RBMS3: variants seen among roughly 807,000 people sequenced by gnomAD.
The protein encoded by RBMS3 is RNA-binding motif, single-stranded-interacting protein 3.
Under a neutral mutation model 66.8 loss-of-function variants are expected in RBMS3, and 27 were observed. The ratio of observed to expected loss-of-function variants is 0.40; its 90% CI spans 0.30 to 0.56. The LOEUF (loss-of-function observed/expected upper bound fraction) is 0.56, where lower values mean the gene tolerates loss of function less well. RBMS3 is among the 20% of genes least tolerant of loss of function. RBMS3 has a pLI of 0.40. For missense variants in RBMS3, 513 were observed against 549.5 expected, an observed-to-expected ratio of 0.93 and a Z score of 0.66; for synonymous variants, 188 against 183.0, an observed-to-expected ratio of 1.03 and a Z score of -0.22.
chr3:29,620,244 T>C (rs1191423909), intron 4 of RBMS3, among the ~76,000 whole-genome samples: 1 of 152,178 alleles, frequency 6.6e-6, no homozygotes, highest in African/African-American at 2.4e-5. Context: ...CCATCCTTAT[T>C]TTTATTGACA....
At chr3:29,922,110 T>C (rs969706202) in intron 10 of RBMS3, among the ~76,000 whole-genome samples, 1 of 152,254 alleles carries the variant, frequency 6.6e-6, no homozygotes, top group Non-Finnish European at 1.5e-5. Context: ...CCTTGATTAC[T>C]TTATATTGCA....
chr3:29,917,328 G>A (rs1460417674), intron 10 of RBMS3, among the ~76,000 whole-genome samples: 8 of 152,056 alleles, frequency 5.3e-5, no homozygotes, highest in African/African-American at 1.7e-4. Context: ...CCCACTTGGC[G>A]ATGTCCTTCC....
intron 1 of RBMS3, among the ~76,000 whole-genome samples, chr3:29,307,580 T>C (rs1422998780): frequency 6.6e-6 from 1 of 151,856 alleles, no homozygotes; most frequent in African/African-American, 2.4e-5. Flanking sequence ...GGGACCATGA[T>C]GTTGTTCAGT....
chr3:29,453,566 C>A, intron 2 of RBMS3, among the ~76,000 whole-genome samples: 1 of 152,226 alleles, frequency 6.6e-6, no homozygotes, highest in East Asian at 1.9e-4. Flanking sequence ...TGGGTTTGTT[C>A]TCTTCCAGCC....
chr3:29,626,397 G>A (rs2049062445), intron 4 of RBMS3, among the ~76,000 whole-genome samples: 2 of 152,146 alleles, frequency 1.3e-5, no homozygotes, highest in Admixed American at 6.5e-5. Context: ...TTGGCAAAAC[G>A]TGATCAAGCT....
chr3:29,748,854 T>C (rs2577121), intron 5 of RBMS3, among the ~76,000 whole-genome samples: 118,700 of 152,000 alleles, frequency 0.78, 46,666 homozygotes, highest in Middle Eastern at 0.91. Flanking sequence ...TCTGTCCCAC[T>C]CAGGTGGGCG....
chr3:29,589,517 C>T (rs1242543242), intron 4 of RBMS3, among the ~76,000 whole-genome samples: 1 of 152,020 alleles, frequency 6.6e-6, no homozygotes, highest in Non-Finnish European at 1.5e-5. Flanking sequence ...TCATATCTGC[C>T]TACTGGAAAA....
chr3:29,463,261 T>C (rs1358244770), intron 2 of RBMS3, among the ~76,000 whole-genome samples: 1 of 152,222 alleles, frequency 6.6e-6, no homozygotes, highest in African/African-American at 2.4e-5. Context: ...AATGAGTACT[T>C]GTACCTATAT....
Position 29,772,700 on chromosome 3 carries a change from A to G in RBMS3, c.637+9711A>G, listed in dbSNP as rs553532241. On this transcript the variant is annotated intron_variant, in intron 6 of 14. Transcript: ENST00000383767. ...ATCAGGGGTAGGATTCTTTCTGAAG[A>G]CAGGCCAGGGTAATCAGACGTCACC... Among the ~76,000 whole-genome samples, 10 of 152,106 alleles carry G rather than the reference A, an allele frequency of 6.6e-5. No homozygotes were observed. In the East Asian group the frequency reaches 1.9e-3, roughly 30 times the overall value.
At chr3:29,451,809 T>C (rs953400039) in intron 2 of RBMS3, among the ~76,000 whole-genome samples, 6 of 152,226 alleles carry the variant, frequency 3.9e-5, no homozygotes, top group African/African-American at 1.4e-4. Flanking sequence ...ATAGTAAATA[T>C]GCAACTGTTT....
chr3:29,326,272 C>CAAA (rs2035332789), intron 1 of RBMS3, among the ~76,000 whole-genome samples: 1 of 152,150 alleles, frequency 6.6e-6, no homozygotes, highest in Non-Finnish European at 1.5e-5. Context: ...TTCTTACCTC[C>CAAA]ACCCACTGAT....
chr3:29,626,815 T>C (rs908288655), intron 4 of RBMS3, among the ~76,000 whole-genome samples: 1 of 152,174 alleles, frequency 6.6e-6, no homozygotes, highest in Non-Finnish European at 1.5e-5. Context: ...ATATCTCAGA[T>C]TCATTACCAA....
At chr3:29,527,057 A>G (rs1162727071) in intron 3 of RBMS3, among the ~76,000 whole-genome samples, 1 of 152,056 alleles carries the variant, frequency 6.6e-6, no homozygotes, top group Non-Finnish European at 1.5e-5. Flanking sequence ...AAAATTGTAG[A>G]ACAGAGATCT....
chr3:29,312,444 T>A (rs538228215), intron 1 of RBMS3, among the ~76,000 whole-genome samples: 4 of 151,724 alleles, frequency 2.6e-5, no homozygotes, highest in Non-Finnish European at 5.9e-5. Context: ...GAAGGCAAAT[T>A]CATAATTCAG....
At chr3:29,970,843 C>G (rs1453411957) in intron 12 of RBMS3, among the ~76,000 whole-genome samples, 2 of 152,132 alleles carry the variant, frequency 1.3e-5, no homozygotes, top group East Asian at 3.8e-4. Context: ...GGAATCGAAA[C>G]ATATTGTTCG....
intron 6 of RBMS3, among the ~76,000 whole-genome samples, chr3:29,767,748 A>G (rs1329719261): frequency 2.0e-5 from 3 of 150,710 alleles, no homozygotes; most frequent in African/African-American, 7.5e-5. Context: ...CTGCCAGAGT[A>G]AAATATCGAC....
At chr3:29,408,508 C>T (rs578157613) in intron 1 of RBMS3, among the ~76,000 whole-genome samples, 4 of 152,088 alleles carry the variant, frequency 2.6e-5, no homozygotes, top group Admixed American at 2.6e-4. Context: ...AATGTATGAC[C>T]TATTCTTTGT....
chr3:29,922,488 C>T (rs1470347433), intron 10 of RBMS3, among the ~76,000 whole-genome samples: 3 of 81,546 alleles, frequency 3.7e-5, no homozygotes, highest in Non-Finnish European at 5.0e-5. Context: ...AGCGAGACTC[C>T]GTCTCAAAAA....
chr3:29,900,548 G>A lies in RBMS3; in HGVS notation c.939+793G>A, dbSNP rs541543821. On this transcript the variant is annotated intron_variant, in intron 10 of 14. Coordinates refer to ENST00000383767, the MANE Select transcript of RBMS3 (RefSeq NM_001003793.3). ...AGGGTTTCTAGCTCTATAGAAGTGCGAGATAGAGATTTCAATAGCAACACA... is the reference window on the plus strand; with the variant it reads ...AGGGTTTCTAGCTCTATAGAAGTGCAAGATAGAGATTTCAATAGCAACACA... 1.8e-4 allele frequency among the ~76,000 whole-genome samples: 27 copies of A among 151,752 alleles called. 1 individual carries two copies. The South Asian group carries it at 3.5e-3, about 20-fold the overall frequency.
Sources: gnomAD v4.1 joint callset for allele counts (sites outside exome capture counted in the v4.1 genomes callset) on GRCh38, gnomAD v4.1.1 for gene constraint, MANE v1.5 for transcripts, NCBI Gene and HGNC (gene_info 2026-07-23, HGNC 2026-07-21) for gene names.